ASF1B: variants seen among roughly 807,000 people sequenced by gnomAD.
The protein encoded by ASF1B is histone chaperone ASF1B.
ASF1B carries 10 observed loss-of-function variants against 16.6 expected under a neutral mutation model. The observed-to-expected ratio is 0.60, with a 90% CI of 0.37 to 1.02. ASF1B has a LOEUF of 1.02. ASF1B is among the 50% of genes least tolerant of loss of function. The pLI, the probability that ASF1B is intolerant of heterozygous loss-of-function variation, is 0.01. For missense variants in ASF1B, 240 were observed against 266.0 expected (o/e 0.90, Z 0.68); for synonymous variants, 101 against 106.2 (o/e 0.95, Z 0.30).
At chr19:14,127,298 G>C (rs1271820921) in intron 1 of ASF1B, among the ~76,000 whole-genome samples, 3 of 152,222 alleles carry the variant, frequency 2.0e-5, no homozygotes, top group Non-Finnish European at 4.4e-5. Flanking sequence ...AGCGTGAACT[G>C]TATGGCAGAG....
intron 1 of ASF1B, among the ~76,000 whole-genome samples, chr19:14,127,276 T>C (rs1254451684): frequency 6.6e-6 from 1 of 152,212 alleles, no homozygotes; most frequent in African/African-American, 2.4e-5. Context: ...AACCTGGGCC[T>C]CTCAAGGCCT....
chr19:14,131,919 A>C (rs960420605), intron 1 of ASF1B, among the ~76,000 whole-genome samples: 3 of 152,158 alleles, frequency 2.0e-5, no homozygotes, highest in Non-Finnish European at 4.4e-5. Flanking sequence ...TTTCTCAGCT[A>C]AATGTGGAAG....
At chr19:14,127,144 G>A (rs1568544925) in intron 1 of ASF1B, among the ~76,000 whole-genome samples, 4 of 152,214 alleles carry the variant, frequency 2.6e-5, no homozygotes, top group African/African-American at 7.2e-5. Flanking sequence ...CCATCTGTCA[G>A]ACACTTAGTG....
At chr19:14,127,314 A>G (rs1338356476) in intron 1 of ASF1B, among the ~76,000 whole-genome samples, 1 of 152,200 alleles carries the variant, frequency 6.6e-6, no homozygotes, top group Non-Finnish European at 1.5e-5. Context: ...CAGAGGCTGA[A>G]TTAAGAGCCA....
chr19:14,121,488 A>G (rs1333244748), intron 3 of ASF1B, 44 bp downstream of exon 3: 2 of 1,586,922 alleles, frequency 1.3e-6, no homozygotes, highest in Non-Finnish European at 1.7e-6. Flanking sequence ...CCCCAAGTAT[A>G]AAGAACGGCC....
chr19:14,136,338 C>T lies in ASF1B; in HGVS notation c.109+10G>A. The T allele has an allele frequency of 6.2e-7, 1 of 1,611,460 alleles. No homozygotes were observed. The highest frequency in any genetic ancestry group is 8.5e-7 in the Non-Finnish European group (1 of 1,178,314). On this transcript the variant is annotated intron_variant, in intron 1 of 3. Transcript: ENST00000263382. ...CGGGGGTGGGGGTCCCCGCACAGGC[C>T]CAGCCTCACCGTCCGCCAGGGCTTC...
chr19:14,121,408 T>G (rs1447411772), intron 3 of ASF1B, 124 bp downstream of exon 3: 1 of 1,096,116 alleles, frequency 9.1e-7, no homozygotes, highest in Non-Finnish European at 1.3e-6. Flanking sequence ...AACACAGTAC[T>G]GTAAGAACTG....
chr19:14,121,315 G>A, intron 3 of ASF1B: 1 of 465,090 alleles, frequency 2.2e-6, no homozygotes, highest in Admixed American at 3.9e-5. Flanking sequence ...TAGGGACAGG[G>A]TCTCACTATG....
chr19:14,129,656 G>A (rs1339099773), intron 1 of ASF1B, among the ~76,000 whole-genome samples: 1 of 116,020 alleles, frequency 8.6e-6, no homozygotes, highest in East Asian at 2.9e-4. Context: ...ACTCCAGCCT[G>A]GGCAACAGAG....
intron 1 of ASF1B, among the ~76,000 whole-genome samples, chr19:14,134,244 A>G (rs1967451875): frequency 1.3e-5 from 2 of 152,020 alleles, no homozygotes; most frequent in African/African-American, 4.8e-5. Flanking sequence ...CCACAGCGTC[A>G]TTCTACACTT....
At chr19:14,135,837 G>A (rs1967485676) in intron 1 of ASF1B, among the ~76,000 whole-genome samples, 1 of 151,898 alleles carries the variant, frequency 6.6e-6, no homozygotes, top group Non-Finnish European at 1.5e-5. Flanking sequence ...ACAGGAAAGA[G>A]GGAATAAGTG....
At chr19:14,135,860 T>C (rs1482688772) in intron 1 of ASF1B, among the ~76,000 whole-genome samples, 1 of 150,958 alleles carries the variant, frequency 6.6e-6, no homozygotes, top group Non-Finnish European at 1.5e-5. Flanking sequence ...CAAAAATGGG[T>C]GGGTGGTTGA....
chr19:14,130,810 T>TATATATAA (rs74181858), intron 1 of ASF1B, among the ~76,000 whole-genome samples: 14 of 150,316 alleles, frequency 9.3e-5, no homozygotes, highest in African/African-American at 2.9e-4. Flanking sequence ...TATATATATA[T>TATATATAA]AAATGATAAG....
At chr19:14,125,132 G>A (rs1182187634) in intron 2 of ASF1B, among the ~76,000 whole-genome samples, 1 of 151,966 alleles carries the variant, frequency 6.6e-6, no homozygotes, top group Non-Finnish European at 1.5e-5. Context: ...ACACCTGGCT[G>A]ATTTTTGTAT....
chr19:14,124,347 G>T (rs1326237588), intron 2 of ASF1B, among the ~76,000 whole-genome samples: 1 of 151,838 alleles, frequency 6.6e-6, no homozygotes, highest in African/African-American at 2.4e-5. Context: ...AGAGATGGGG[G>T]TCTCGCTATG....
At chr19:14,132,887 G>A (rs189648628) in intron 1 of ASF1B, among the ~76,000 whole-genome samples, 13 of 151,474 alleles carry the variant, frequency 8.6e-5, no homozygotes, top group Non-Finnish European at 1.5e-4. Context: ...ATCCCAGGCC[G>A]AGGCGGGCGG....
chr19:14,125,871 G>A (rs1354779143), intron 2 of ASF1B, among the ~76,000 whole-genome samples: 1 of 151,502 alleles, frequency 6.6e-6, no homozygotes, highest in Non-Finnish European at 1.5e-5. Flanking sequence ...TTTAATACTT[G>A]TTTTTTTCTT....
intron 1 of ASF1B, among the ~76,000 whole-genome samples, chr19:14,134,094 G>T (rs1419375830): frequency 6.6e-6 from 1 of 152,002 alleles, no homozygotes; most frequent in Admixed American, 6.5e-5. Context: ...GTGAGCCACC[G>T]CGCTCGGCCA....
At chr19:14,128,138 A>T (rs1289351037) in intron 1 of ASF1B, among the ~76,000 whole-genome samples, 1 of 152,124 alleles carries the variant, frequency 6.6e-6, no homozygotes, top group African/African-American at 2.4e-5. Context: ...GAGGCTTGAA[A>T]CTTATTTTTG....
Sources: gnomAD v4.1 joint callset for allele counts (sites outside exome capture counted in the v4.1 genomes callset) on GRCh38, gnomAD v4.1.1 for gene constraint, MANE v1.5 for transcripts, NCBI Gene and HGNC (gene_info 2026-07-23, HGNC 2026-07-21) for gene names.